CADM2: variants seen among roughly 807,000 people sequenced by gnomAD.
CADM2 encodes immunoglobulin superfamily member 4D.
In CADM2, 12 loss-of-function variants were observed where a neutral mutation model predicts 49.8. The observed-to-expected ratio is 0.24, with a 90% CI of 0.15 to 0.39. The LOEUF is 0.39. Ranked by LOEUF, CADM2 falls within the 10% of genes least tolerant of loss-of-function variation. The pLI, the probability that CADM2 is intolerant of heterozygous loss-of-function variation, is 1.00. For synonymous variants in CADM2, 214 were observed against 175.4 expected (o/e 1.22, Z -1.74); for missense variants, 378 against 492.3 (o/e 0.77, Z 2.20).
At chr3:85,324,029 T>C (rs1227360230) in intron 1 of CADM2, among the ~76,000 whole-genome samples, 1 of 152,150 alleles carries the variant, frequency 6.6e-6, no homozygotes. Flanking sequence ...GTACTGCTAT[T>C]AATAGACAAT....
chr3:85,904,814 G>T (rs1365380249), intron 5 of CADM2, among the ~76,000 whole-genome samples: 2 of 151,942 alleles, frequency 1.3e-5, no homozygotes, highest in Non-Finnish European at 2.9e-5. Context: ...CTTGCTTTAT[G>T]TTTATGTATC....
chr3:85,049,915 A>G (rs1559635009), intron 1 of CADM2, among the ~76,000 whole-genome samples: 2 of 152,080 alleles, frequency 1.3e-5, no homozygotes, highest in Admixed American at 1.3e-4. Flanking sequence ...GCTACATTTA[A>G]TAGAAGTTCC....
chr3:85,598,851 G>GTA (rs2063318584), intron 1 of CADM2, among the ~76,000 whole-genome samples: 2 of 148,178 alleles, frequency 1.3e-5, no homozygotes, highest in African/African-American at 5.1e-5. Context: ...AAGTGTGTGT[G>GTA]TGTGTATATA....
At chr3:85,962,168 C>T (rs551239359) in intron 8 of CADM2, among the ~76,000 whole-genome samples, 82 of 152,012 alleles carry the variant, frequency 5.4e-4, no homozygotes, top group African/African-American at 1.9e-3. Context: ...ATCAGCCTGC[C>T]TCGGCTTCCC....
At chr3:85,901,890 T>C (rs1195891934) in intron 5 of CADM2, among the ~76,000 whole-genome samples, 3 of 151,406 alleles carry the variant, frequency 2.0e-5, no homozygotes, top group Non-Finnish European at 4.4e-5. Context: ...TACAAAAATA[T>C]ATATTATGTG....
At chr3:85,252,824 T>TC (rs2042804389) in intron 1 of CADM2, among the ~76,000 whole-genome samples, 1 of 150,152 alleles carries the variant, frequency 6.7e-6, no homozygotes. Context: ...CTAACCGTGG[T>TC]CAGTAGTCCT....
At chr3:85,372,874 A>T (rs775978717) in intron 1 of CADM2, among the ~76,000 whole-genome samples, 8 of 152,084 alleles carry the variant, frequency 5.3e-5, no homozygotes, top group Non-Finnish European at 1.0e-4. Context: ...AGACTTATTT[A>T]CTATCATGAG....
intron 1 of CADM2, among the ~76,000 whole-genome samples, chr3:85,309,409 C>T (rs1044803218): frequency 6.6e-6 from 1 of 152,034 alleles, no homozygotes; most frequent in African/African-American, 2.4e-5. Flanking sequence ...CTGTGTGAGC[C>T]CATGCAATTT....
intron 1 of CADM2, among the ~76,000 whole-genome samples, chr3:85,289,762 A>G (rs1311081810): frequency 6.6e-6 from 1 of 152,180 alleles, no homozygotes; most frequent in Non-Finnish European, 1.5e-5. Flanking sequence ...ATAATAACAA[A>G]CACTATTTGT....
At chr3:85,183,117 C>G (rs80349749) in intron 1 of CADM2, among the ~76,000 whole-genome samples, 4 of 152,038 alleles carry the variant, frequency 2.6e-5, no homozygotes, top group Non-Finnish European at 4.4e-5. Flanking sequence ...ATGATACTCT[C>G]AAATTAATAC....
At chr3:85,764,173 T>C (rs1023959113) in intron 2 of CADM2, among the ~76,000 whole-genome samples, 3 of 143,854 alleles carry the variant, frequency 2.1e-5, no homozygotes, top group African/African-American at 7.3e-5. Context: ...TTCTAAGTAC[T>C]ATATTATAAG....
At chr3:85,865,167 A>G (rs922410870) in intron 3 of CADM2, among the ~76,000 whole-genome samples, 1 of 152,140 alleles carries the variant, frequency 6.6e-6, no homozygotes, top group Non-Finnish European at 1.5e-5. Flanking sequence ...TTCTTAGCTT[A>G]CTTCAAAGAA....
chr3:85,620,909 A>T (rs2063955760), intron 1 of CADM2, among the ~76,000 whole-genome samples: 1 of 152,116 alleles, frequency 6.6e-6, no homozygotes, highest in African/African-American at 2.4e-5. Context: ...ATGACAGTCA[A>T]TTTTTTTGGA....
intron 1 of CADM2, among the ~76,000 whole-genome samples, chr3:85,596,576 A>G (rs77056778): frequency 0.08 from 12,235 of 152,096 alleles, 946 homozygotes; most frequent in African/African-American, 0.18. Context: ...GCTATTGAAC[A>G]TACCCATTTT....
At chr3:86,054,515 T>A (rs748267014) in intron 8 of CADM2, among the ~76,000 whole-genome samples, 1 of 152,102 alleles carries the variant, frequency 6.6e-6, no homozygotes, top group Non-Finnish European at 1.5e-5. Flanking sequence ...TATTTTTCCA[T>A]CAGATGTATT....
In CADM2 at chr3:85,426,657, A is replaced by C. The variant is rs548784519; in HGVS notation, c.62-299865A>C. Among the ~76,000 whole-genome samples, 186 of 152,240 alleles carry C rather than the reference A, an allele frequency of 1.2e-3. 1 individual carries two copies. In the Middle Eastern group the frequency reaches 0.014, roughly 11 times the overall value. ...CCCATTACACTCTTATAGTTATTTT[A>C]AAATGTACAATTAAGTTATTATTGA... On this transcript the variant is annotated intron_variant, in intron 1 of 9. Coordinates refer to ENST00000383699, the MANE Select transcript of CADM2 (RefSeq NM_001167675.2).
At chr3:86,060,774 G>C (rs963060554) in intron 8 of CADM2, among the ~76,000 whole-genome samples, 2 of 152,046 alleles carry the variant, frequency 1.3e-5, no homozygotes, top group African/African-American at 4.8e-5. Flanking sequence ...ACGAGGTCAG[G>C]AGTTCAAGGC....
intron 1 of CADM2, among the ~76,000 whole-genome samples, chr3:85,400,236 T>A (rs1171031953): frequency 6.6e-6 from 1 of 152,230 alleles, no homozygotes; most frequent in Non-Finnish European, 1.5e-5. Context: ...GTTCTGTTTA[T>A]ATGCTGGATT....
At chr3:85,108,952 A>AT (rs1205340896) in intron 1 of CADM2, among the ~76,000 whole-genome samples, 1 of 152,076 alleles carries the variant, frequency 6.6e-6, no homozygotes, top group East Asian at 1.9e-4. Flanking sequence ...TAAAACCCTA[A>AT]ATAAGAAGTA....
Sources: allele counts gnomAD v4.1 joint callset (sites outside exome capture counted in the v4.1 genomes callset), GRCh38; gene constraint gnomAD v4.1.1; transcripts MANE v1.5; gene names NCBI Gene and HGNC (gene_info 2026-07-23, HGNC 2026-07-21).